The following DMD variants were observed in gnomAD, a reference collection of about 807,000 sequenced individuals.
The protein encoded by DMD is dystrophin, also known as mutant dystrophin.
A neutral mutation model predicts 330.1 loss-of-function variants in DMD; 63 were observed. The observed-to-expected ratio is 0.19, with a 90% CI of 0.16 to 0.24. The LOEUF (loss-of-function observed/expected upper bound fraction) is 0.24. DMD is among the 10% of genes least tolerant of loss of function. The pLI is 1.00. For synonymous variants in DMD, 1,223 were observed against 959.8 expected (o/e 1.27, Z -5.07); for missense variants, 3,344 against 2,684.1 (o/e 1.25, Z -5.43).
intron 53 of DMD, among the ~76,000 whole-genome samples, chrX:31,659,505 G>T (rs754611920): frequency 3.7e-5 from 4 of 108,174 alleles, no homozygotes; most frequent in Non-Finnish European, 7.7e-5. Context: ...CGGGTGTGCT[G>T]GTAGGCTCCT....
chrX:31,861,638 C>CTGTGTG (rs1556949987), intron 48 of DMD, among the ~76,000 whole-genome samples: 1 of 83,108 alleles, frequency 1.2e-5, no homozygotes, highest in Non-Finnish European at 2.2e-5. Flanking sequence ...AAATAATCAC[C>CTGTGTG]TGTGTGTGTG....
chrX:33,081,000 ACAC>A (rs765759454), intron 1 of DMD, among the ~76,000 whole-genome samples: 2 of 106,234 alleles, frequency 1.9e-5, no homozygotes, highest in Non-Finnish European at 1.9e-5. Flanking sequence ...ACACACACAC[ACAC>A]ACACAAAAAC....
At chrX:32,590,419 G>C (rs762347651) in intron 13 of DMD, among the ~76,000 whole-genome samples, 1 of 111,437 alleles carries the variant, frequency 9.0e-6, no homozygotes, top group Non-Finnish European at 1.9e-5. Context: ...CACTGATGAA[G>C]TATTGTTTCT....
chrX:33,104,500 A>G (rs2095268442), intron 1 of DMD, among the ~76,000 whole-genome samples: 1 of 107,626 alleles, frequency 9.3e-6, no homozygotes, highest in Non-Finnish European at 1.9e-5. Context: ...AAGCTCCCCC[A>G]CTGAGTACCT....
rs145816321 is a variant in DMD at position 32,859,176 on chromosome X, C to T, written c.94-9356G>A. On this transcript the variant is annotated intron_variant, in intron 2 of 78. Transcript: ENST00000357033. Reference sequence around the variant, plus strand: ...TTTGACCAAATTCTAGGTGTAAAAACGTTTAACTCGGCCAGGTGCAGTGGC... The same window carrying T: ...TTTGACCAAATTCTAGGTGTAAAAATGTTTAACTCGGCCAGGTGCAGTGGC... 1.5e-3 allele frequency among the ~76,000 whole-genome samples: 165 copies of T among 111,077 alleles called. 1 individual carries two copies. Among genetic ancestry groups the T allele is most frequent in the African/African-American group, 4.9e-3 (149 of 30,516 alleles).
chrX:31,751,623 A>G (rs992252348), intron 51 of DMD, among the ~76,000 whole-genome samples: 1 of 111,981 alleles, frequency 8.9e-6, no homozygotes, highest in Admixed American at 9.5e-5. Flanking sequence ...AATGCTGGAA[A>G]TACAAATTCA....
intron 2 of DMD, among the ~76,000 whole-genome samples, chrX:32,955,705 A>G (rs1008786916): frequency 9.0e-5 from 10 of 111,583 alleles, no homozygotes; most frequent in Non-Finnish European, 1.5e-4. Flanking sequence ...ATCTTGAGTT[A>G]ATCTTTGTAC....
At chrX:31,775,256 G>A (rs1005666452) in intron 50 of DMD, among the ~76,000 whole-genome samples, 41 of 111,307 alleles carry the variant, frequency 3.7e-4, no homozygotes, top group African/African-American at 9.5e-4. Flanking sequence ...TTATTACAGC[G>A]CCTGACACTA....
intron 55 of DMD, among the ~76,000 whole-genome samples, chrX:31,551,843 T>C (rs1029415612): frequency 8.9e-6 from 1 of 112,221 alleles, no homozygotes; most frequent in Admixed American, 9.4e-5. Context: ...CAGGCAAAAT[T>C]GTAAATGAGG....
At chrX:32,926,502 T>C in intron 2 of DMD, among the ~76,000 whole-genome samples, 1 of 111,417 alleles carries the variant, frequency 9.0e-6, no homozygotes, top group Non-Finnish European at 1.9e-5. Flanking sequence ...GTAATCCCAG[T>C]ACTTTGGGAG....
chrX:31,882,121 A>G (rs1271075325), intron 47 of DMD, among the ~76,000 whole-genome samples: 1 of 112,467 alleles, frequency 8.9e-6, no homozygotes, highest in Non-Finnish European at 1.9e-5. Context: ...TAAGATTTAT[A>G]TGTAAGTGCA....
chrX:33,201,222 C>G (rs191166437), intron 1 of DMD, among the ~76,000 whole-genome samples: 3 of 111,047 alleles, frequency 2.7e-5, no homozygotes, highest in Admixed American at 9.6e-5. Flanking sequence ...TGAGCCACCG[C>G]GACCAGCCAA....
intron 55 of DMD, among the ~76,000 whole-genome samples, chrX:31,583,331 G>A: frequency 8.9e-6 from 1 of 111,808 alleles, no homozygotes; most frequent in Non-Finnish European, 1.9e-5. Context: ...AGGATCTGGG[G>A]AGCAGCCATA....
intron 1 of DMD, among the ~76,000 whole-genome samples, chrX:33,164,005 A>G (rs909300104): frequency 2.7e-5 from 3 of 111,380 alleles, no homozygotes; most frequent in Non-Finnish European, 5.6e-5. Context: ...TTCTCCAGTA[A>G]AGACTATAGA....
chrX:31,565,063 C>T (rs2147883896), intron 55 of DMD, among the ~76,000 whole-genome samples: 1 of 112,151 alleles, frequency 8.9e-6, no homozygotes, highest in South Asian at 3.7e-4. Context: ...TTTGAAATTA[C>T]ACTTTTAGTT....
At chrX:32,823,661 A>G (rs1343129579) in intron 4 of DMD, among the ~76,000 whole-genome samples, 2 of 111,991 alleles carry the variant, frequency 1.8e-5, no homozygotes, top group Admixed American at 9.5e-5. Context: ...AAAATGTCAT[A>G]AAGTATGTTT....
chrX:32,209,006 AATTT>A (rs774722272), intron 44 of DMD, among the ~76,000 whole-genome samples: 29 of 111,853 alleles, frequency 2.6e-4, no homozygotes, highest in African/African-American at 7.1e-4. Flanking sequence ...ATCATTTTTA[AATTT>A]ATTTATGTAT....
Position 33,305,582 on chromosome X carries a change from A to T in DMD, c.7+33677T>A, listed in dbSNP as rs758044844. Among the ~76,000 whole-genome samples the T allele has an allele frequency of 2.9e-5, 3 of 103,861 alleles. No individual in the cohort carries two copies. The Admixed American group carries it at 3.2e-4, about 11-fold the overall frequency. 90.2% of individuals were successfully genotyped at this position (103,861 alleles called of 115,157 possible). On this transcript the variant is annotated intron_variant, in intron 1 of 17. Coordinates refer to the DMD transcript ENST00000288447. ...TAGAGTATAATAATAATAAAATTTA[A>T]AAAAAATGCCAAATATAACTTCAAA... is the stretch of plus-strand genomic sequence containing the variant.
chrX:31,633,519 C>T (rs2079241626), intron 54 of DMD, among the ~76,000 whole-genome samples: 2 of 111,685 alleles, frequency 1.8e-5, no homozygotes, highest in Admixed American at 1.9e-4. Context: ...TGGTATTTAA[C>T]ATATTCAAGT....
Sources: allele counts gnomAD v4.1 joint callset (sites outside exome capture counted in the v4.1 genomes callset), GRCh38; gene constraint gnomAD v4.1.1; transcripts MANE v1.5; gene names NCBI Gene and HGNC (gene_info 2026-07-23, HGNC 2026-07-21).